UBE2N: variants seen among roughly 807,000 people sequenced by gnomAD.
The protein encoded by UBE2N is ubiquitin conjugating enzyme E2 N.
For missense variants in UBE2N, 60 were observed against 192.1 expected, an observed-to-expected ratio of 0.31 and a Z score of 4.07; for synonymous variants, 70 against 69.2, an observed-to-expected ratio of 1.01 and a Z score of -0.06.
chr12:93,426,869 GA>G (rs1878606548), intron 1 of UBE2N, among the ~76,000 whole-genome samples: 1 of 151,608 alleles, frequency 6.6e-6, no homozygotes, highest in African/African-American at 2.4e-5. Context: ...TGCATCAGCA[GA>G]TTTTTTTTTT....
At position 93,428,276 on chromosome 12, in the gene UBE2N, A is replaced by G. The variant is rs994460189; in HGVS notation, c.30+13579T>C. On this transcript the variant is annotated intron_variant, in intron 1 of 3. Coordinates refer to ENST00000318066, the MANE Select transcript of UBE2N (RefSeq NM_003348.4). ...TGGACTACACTTCTGAAGAAAAGAA[A>G]CTTCAAGTTAAAAGATTACTTTTGA... Among the ~76,000 whole-genome samples, 3 of 152,180 alleles carry G rather than the reference A, an allele frequency of 2.0e-5. No individual in the cohort carries two copies. The South Asian group carries it at 6.2e-4, about 31-fold the overall frequency.
intron 1 of UBE2N, among the ~76,000 whole-genome samples, chr12:93,419,780 T>TA: frequency 6.6e-6 from 1 of 152,318 alleles, no homozygotes; most frequent in East Asian, 1.9e-4. Flanking sequence ...AGCACCTACC[T>TA]AAACACGTCC....
Position 93,420,052 on chromosome 12 carries a change from TCTA to T in UBE2N, c.31-8756_31-8754del, listed in dbSNP as rs1271970129. Among the ~76,000 whole-genome samples, 5 of 152,274 alleles carry T rather than the reference TCTA, an allele frequency of 3.3e-5. No homozygotes were observed. The East Asian group carries it at 9.6e-4, about 29-fold the overall frequency. On this transcript the variant is annotated intron_variant, in intron 1 of 3. Transcript: ENST00000318066. Reference sequence around the variant, plus strand: ...CCCTCCCTTGTTCTTTCTTTTCCCTTCTACTCCCACATATTTAAATCTCAAAAT... The same window carrying T: ...CCCTCCCTTGTTCTTTCTTTTCCCTTCTCCCACATATTTAAATCTCAAAAT...
rs563744475 is a variant in UBE2N, at chr12:93,409,776, A to C, written c.*263T>G. 5 of 434,544 alleles carry C rather than the reference A, an allele frequency of 1.2e-5. No homozygotes were observed. In the South Asian group the frequency reaches 1.7e-4, roughly 14 times the overall value. 26.9% of individuals were successfully genotyped at this position (434,544 alleles called of 1,614,324 possible). On this transcript the variant is annotated 3_prime_UTR_variant, in exon 4 of 4. Transcript: ENST00000318066. ...TTATACTTAAACCAGGATGGGGGAA[A>C]TGAATAAAAGCAGGGAGGGGCCACT...
rs1332669739 is a variant in UBE2N, at chr12:93,406,816, AG to A, written c.*3222del. The stretch of plus-strand genomic sequence containing the variant: ...AGCATCTGCGAATTTGGATATCCAA[AG>A]GAAGTCCTAGAACCAGTTCCCGACA... On this transcript the variant is annotated 3_prime_UTR_variant, in exon 4 of 4. Coordinates refer to ENST00000318066, the MANE Select transcript of UBE2N (RefSeq NM_003348.4). The A allele has an allele frequency of 2.6e-5, 4 of 152,248 alleles. No homozygotes were observed. The highest frequency in any genetic ancestry group is 9.6e-5 in the African/African-American group (4 of 41,462). The allele number at this position is 152,248 out of a possible 1,614,324, so 9.4% of individuals were successfully genotyped here.
chr12:93,434,873 T>C (rs1188670956), intron 1 of UBE2N, among the ~76,000 whole-genome samples: 3 of 152,000 alleles, frequency 2.0e-5, no homozygotes, highest in Non-Finnish European at 4.4e-5. Flanking sequence ...CAAATCTGTC[T>C]TCATCATAAT....
At chr12:93,410,509 G>A in intron 3 of UBE2N, 1 of 619,840 alleles carries the variant, frequency 1.6e-6, no homozygotes, top group Non-Finnish European at 2.8e-6. Flanking sequence ...TAAACCAGGT[G>A]TAGTTACAAG....
chr12:93,432,188 G>A (rs547318915), intron 1 of UBE2N, among the ~76,000 whole-genome samples: 7 of 152,230 alleles, frequency 4.6e-5, no homozygotes, highest in African/African-American at 1.4e-4. Context: ...GCCAAGTCAC[G>A]TCACTGCATT....
chr12:93,436,362 C>T (rs756057416), intron 1 of UBE2N, among the ~76,000 whole-genome samples: 1 of 152,206 alleles, frequency 6.6e-6, no homozygotes, highest in East Asian at 1.9e-4. Context: ...CCTCAGCCTC[C>T]CAAAGTACTG....
At chr12:93,433,422 A>G (rs1029479390) in intron 1 of UBE2N, among the ~76,000 whole-genome samples, 1 of 152,172 alleles carries the variant, frequency 6.6e-6, no homozygotes, top group African/African-American at 2.4e-5. Flanking sequence ...AGAAATTTTA[A>G]AAGCTGCTAA....
intron 1 of UBE2N, among the ~76,000 whole-genome samples, chr12:93,440,807 T>A (rs1452502006): frequency 1.3e-5 from 2 of 152,224 alleles, no homozygotes; most frequent in African/African-American, 4.8e-5. Flanking sequence ...TTGTCGATAT[T>A]TCCTTAAGAC....
intron 1 of UBE2N, among the ~76,000 whole-genome samples, chr12:93,419,125 C>T (rs925135299): frequency 6.6e-6 from 1 of 152,174 alleles, no homozygotes; most frequent in African/African-American, 2.4e-5. Context: ...TCAGGCCGGG[C>T]GTGGTGTCTC....
At chr12:93,441,058 GAA>G (rs1433078383) in intron 1 of UBE2N, 1 of 152,828 alleles carries the variant, frequency 6.5e-6, no homozygotes, top group African/African-American at 2.4e-5. Flanking sequence ...AGAGGAGAGA[GAA>G]AGAGAATCCC....
At chr12:93,414,261 T>C (rs1187590015) in intron 1 of UBE2N, among the ~76,000 whole-genome samples, 2 of 151,278 alleles carry the variant, frequency 1.3e-5, no homozygotes, top group Admixed American at 6.6e-5. Flanking sequence ...ACCAGCCTGA[T>C]CAACATGGAG....
intron 1 of UBE2N, among the ~76,000 whole-genome samples, chr12:93,417,599 C>T (rs1472522290): frequency 1.3e-5 from 2 of 152,170 alleles, no homozygotes; most frequent in African/African-American, 2.4e-5. Flanking sequence ...TTCTCTGAAA[C>T]ACAAAATTGC....
At position 93,418,180 on chromosome 12, in the gene UBE2N, G is replaced by C. The variant is rs533812236; in HGVS notation, c.31-6881C>G. On this transcript the variant is annotated intron_variant, in intron 1 of 3. Transcript: ENST00000318066. ...ACCACCAGCCTGGGCAACATAGCAA[G>C]ACCCCATCTCTGCAAACCAAAAAAC... Among the ~76,000 whole-genome samples the C allele has an allele frequency of 5.7e-4, 86 of 152,084 alleles. 1 individual carries two copies. Among genetic ancestry groups the C allele is most frequent in the Admixed American group, 1.9e-3 (29 of 15,270 alleles).
At chr12:93,418,450 C>T (rs1878292499) in intron 1 of UBE2N, among the ~76,000 whole-genome samples, 1 of 151,940 alleles carries the variant, frequency 6.6e-6, no homozygotes, top group Admixed American at 6.5e-5. Flanking sequence ...TATCTGTAAG[C>T]CCTGTGAATT....
chr12:93,420,570 G>T (rs996549414), intron 1 of UBE2N, among the ~76,000 whole-genome samples: 3 of 152,128 alleles, frequency 2.0e-5, no homozygotes, highest in African/African-American at 7.2e-5. Context: ...TTTGAAGAGA[G>T]GAACCCCAGC....
intron 1 of UBE2N, among the ~76,000 whole-genome samples, chr12:93,420,479 C>G (rs1036997991): frequency 1.3e-5 from 2 of 152,248 alleles, no homozygotes; most frequent in African/African-American, 4.8e-5. Flanking sequence ...CTTGTACTTC[C>G]AGTTTCCTGT....
Sources: gnomAD v4.1 joint callset for allele counts (sites outside exome capture counted in the v4.1 genomes callset) on GRCh38, gnomAD v4.1.1 for gene constraint, MANE v1.5 for transcripts, NCBI Gene and HGNC (gene_info 2026-07-23, HGNC 2026-07-21) for gene names.